SULT1A2: variants seen among roughly 807,000 people sequenced by gnomAD.
SULT1A2 encodes sulfotransferase 1A2.
In SULT1A2, 33 loss-of-function variants were observed where a neutral mutation model predicts 36.0. The observed-to-expected ratio is 0.92, with a 90% confidence interval of 0.69 to 1.22. The LOEUF is 1.22. Ranked by LOEUF, SULT1A2 falls within the 50% of genes most tolerant of loss-of-function variation. SULT1A2 has a pLI of 0.00. For missense variants in SULT1A2, 367 were observed against 383.2 expected, an observed-to-expected ratio of 0.96 and a Z score of 0.35; for synonymous variants, 138 against 144.5, an observed-to-expected ratio of 0.96 and a Z score of 0.32.
In SULT1A2 at chr16:28,595,350, A is replaced by G; in HGVS notation, c.372+17T>C. 1 of 1,613,708 alleles carries G rather than the reference A, an allele frequency of 6.2e-7. No individual in the cohort carries two copies. The highest frequency in any genetic ancestry group is 2.2e-5 in the East Asian group (1 of 44,866). ...AGTACTGAGATTGCGGGTGTGAACC[A>G]CTGTGCCCAGTCTCACCTTGACCTT... On this transcript the variant is annotated intron_variant, in intron 4 of 7. Transcript: ENST00000335715.
chr16:28,594,448 T>TA (rs758090622), intron 4 of SULT1A2, among the ~76,000 whole-genome samples: 14 of 152,170 alleles, frequency 9.2e-5, no homozygotes, highest in Non-Finnish European at 1.8e-4. Context: ...GCAAACCTTT[T>TA]AAAATATTTA....
chr16:28,592,531 C>G, intron 6 of SULT1A2, 88 bp from the exon 7 acceptor site: 1 of 1,594,496 alleles, frequency 6.3e-7, no homozygotes, highest in Non-Finnish European at 8.5e-7. Flanking sequence ...CAGAGGGGAA[C>G]TGGCCACTTC....
intron 6 of SULT1A2, among the ~76,000 whole-genome samples, chr16:28,592,976 A>G (rs985585821): frequency 5.3e-5 from 8 of 152,154 alleles, no homozygotes; most frequent in African/African-American, 1.9e-4. Flanking sequence ...ACACCACTGC[A>G]TGCCATCCTG....
At chr16:28,592,760 G>A (rs1355386782) in intron 6 of SULT1A2, among the ~76,000 whole-genome samples, 2 of 152,210 alleles carry the variant, frequency 1.3e-5, no homozygotes, top group Non-Finnish European at 2.9e-5. Context: ...AAGGGGCCGT[G>A]GTTCAGGCGT....
At chr16:28,594,753 C>G (rs1372023078) in intron 4 of SULT1A2, among the ~76,000 whole-genome samples, 1 of 148,844 alleles carries the variant, frequency 6.7e-6, no homozygotes. Context: ...ACAGGCCCAG[C>G]CCCCTGCCAC....
rs575290419 is a variant in SULT1A2, at chr16:28,595,600, A to G, written c.224T>C (p.Ile75Thr). ...CTCAAGGAAGGGCACCCGCATGAAG[A>G]TGGGAGCTCGGTGACACTTTTCCAG... ...GDLEKCHRAPIFMRVPFLEFK... is the reference protein window; with the variant it reads ...GDLEKCHRAPTFMRVPFLEFK... The change falls in exon 3 of 8, where the codon ATC (isoleucine) becomes ACC (threonine). Residue 75 changes from isoleucine to threonine, a missense_variant. By Grantham distance (89) the Ile-to-Thr change is moderately conservative (BLOSUM62 -1). Transcript: ENST00000335715. The G allele has an allele frequency of 2.2e-5, 36 of 1,614,158 alleles. No homozygotes were observed. The South Asian group carries it at 3.3e-4, about 15-fold the overall frequency.
At chr16:28,596,319 C>G in intron 1 of SULT1A2, 1 of 1,159,942 alleles carries the variant, frequency 8.6e-7, no homozygotes, top group Non-Finnish European at 1.1e-6. Flanking sequence ...CGCCCTTTGT[C>G]TCACCATTTC....
chr16:28,595,300 G>A lies in SULT1A2; in HGVS notation c.372+67C>T, dbSNP rs1393644741. The A allele has an allele frequency of 2.4e-5, 38 of 1,590,468 alleles. No homozygotes were observed. In the East Asian group the frequency reaches 8.3e-4, roughly 35 times the overall value. On this transcript the variant is annotated intron_variant, in intron 4 of 7. Coordinates refer to ENST00000335715, the MANE Select transcript of SULT1A2 (RefSeq NM_001054.4). Reference sequence around the variant, plus strand: ...CTTATCTGGAACTTCTGGCTTCAAGGGATCTTCCCACCTCAGCCTCCCAAA... The same window carrying A: ...CTTATCTGGAACTTCTGGCTTCAAGAGATCTTCCCACCTCAGCCTCCCAAA...
rs146725179 is a variant in SULT1A2, at chr16:28,594,107, T to TTGG, written c.373-540_373-539insCCA. On this transcript the variant is annotated intron_variant, in intron 4 of 7. Coordinates refer to ENST00000335715, the MANE Select transcript of SULT1A2 (RefSeq NM_001054.4). Reference sequence around the variant, plus strand: ...TTTTGTTGTGGTTTTTTTTTTTTTTTGGGGGGGGGGACTCTAGGTCTCAAA... The same window carrying TTGG: ...TTTTGTTGTGGTTTTTTTTTTTTTTTTGGGGGGGGGGGGACTCTAGGTCTCAAA... 3.2e-5 allele frequency among the ~76,000 whole-genome samples: 4 copies of TTGG among 126,292 alleles called. No individual in the cohort carries two copies. In the South Asian group the frequency reaches 8.3e-4, roughly 26 times the overall value. The allele number at this position is 126,292 out of a possible 152,430, so 82.9% of individuals were successfully genotyped here. A position where few individuals can be genotyped will look rare whatever the true frequency, so the allele number is the denominator to read the frequency against.
intron 1 of SULT1A2, 142 bp downstream of exon 1, chr16:28,596,855 G>T (rs1596615785): frequency 1.4e-5 from 7 of 483,390 alleles, no homozygotes; most frequent in African/African-American, 4.3e-5. Flanking sequence ...GAAGGGAGGG[G>T]GATTCAGGCC....
intron 4 of SULT1A2, among the ~76,000 whole-genome samples, chr16:28,594,769 GC>G (rs2047038906): frequency 1.4e-5 from 1 of 69,576 alleles, no homozygotes; most frequent in Non-Finnish European, 3.0e-5. Flanking sequence ...GCCACCTGCC[GC>G]TTTTTTTTTT....
At chr16:28,593,370 C>T (rs755983550) in intron 5 of SULT1A2, 24 bp from the exon 6 acceptor site, 13 of 1,614,042 alleles carry the variant, frequency 8.1e-6, no homozygotes, top group Middle Eastern at 1.6e-4. Context: ...CAGGGAGTGC[C>T]GACACAGGGT....
In SULT1A2 at chr16:28,596,050, G is replaced by A. The variant is rs1210350121; in HGVS notation, c.-4-116C>T. 16 of 1,570,570 alleles carry A rather than the reference G, an allele frequency of 1.0e-5. 1 individual carries two copies. The South Asian group carries it at 1.2e-4, about 12-fold the overall frequency. On this transcript the variant is annotated intron_variant, in intron 1 of 7. Coordinates refer to ENST00000335715, the MANE Select transcript of SULT1A2 (RefSeq NM_001054.4). ...CCTAGGGAGGCTGAGTGACTTGCCC[G>A]CACTCACAAGGCCAGTCAGTGGCGG...
Position 28,593,193 on chromosome 16 carries a change from C to T in SULT1A2, c.594+59G>A. 1.9e-6 allele frequency: 3 copies of T among 1,608,000 alleles called. No homozygotes were observed. The South Asian group carries it at 3.3e-5, about 18-fold the overall frequency. ...GGGTGGCTGGGTGGCCTTGGCAGGTCCCTGTGAAGTGCCTGCCCCCAGGTG... is the reference window on the plus strand; with the variant it reads ...GGGTGGCTGGGTGGCCTTGGCAGGTTCCTGTGAAGTGCCTGCCCCCAGGTG... On this transcript the variant is annotated intron_variant, in intron 6 of 7. Coordinates refer to ENST00000335715, the MANE Select transcript of SULT1A2 (RefSeq NM_001054.4).
At chr16:28,594,797 T>TTTTTGG (rs2047039674) in intron 4 of SULT1A2, among the ~76,000 whole-genome samples, 1 of 142,722 alleles carries the variant, frequency 7.0e-6, no homozygotes, top group Non-Finnish European at 1.5e-5. Flanking sequence ...TTTTTTTTTT[T>TTTTTGG]GAGACAGAGT....
chr16:28,593,030 C>T (rs2047012986), intron 6 of SULT1A2, among the ~76,000 whole-genome samples: 1 of 152,142 alleles, frequency 6.6e-6, no homozygotes, highest in South Asian at 2.1e-4. Flanking sequence ...AGTAGCTGAT[C>T]CATGGCCACC....
chr16:28,593,208 GC>G, intron 6 of SULT1A2, 43 bp downstream of exon 6: 2 of 1,611,056 alleles, frequency 1.2e-6, no homozygotes, highest in South Asian at 2.2e-5. Flanking sequence ...TGAAGTGCCT[GC>G]CCCCAGGTGT....
At position 28,595,894 on chromosome 16, in the gene SULT1A2, C is replaced by A. The variant is rs867040545; in HGVS notation, c.37G>T (p.Glu13Ter). 2 of 1,605,560 alleles carry A rather than the reference C, an allele frequency of 1.2e-6. No individual in the cohort carries two copies. The highest frequency in any genetic ancestry group is 4.5e-5 in the East Asian group (2 of 44,856). Residue 13 changes from glutamate (E) to a stop codon, truncating the protein, a stop_gained, in exon 2 of 8, where the codon GAG (glutamate) becomes TAG (stop). Coordinates refer to ENST00000335715, the MANE Select transcript of SULT1A2 (RefSeq NM_001054.4). LOFTEE classifies it high-confidence loss of function. ...LIQDISRPPLEYVKGVPLIKY... is the reference protein window; with the variant it reads ...LIQDISRPPL ...ATGAGCGGGACCCCCTTCACGTACT[C>A]CAGTGGCGGGCGAGAGATGTCCTGG...
At chr16:28,594,770 C>CTTTATTTTTTTTTTTTTTTTTTTTTT in intron 4 of SULT1A2, among the ~76,000 whole-genome samples, 1 of 53,844 alleles carries the variant, frequency 1.9e-5, no homozygotes, top group East Asian at 5.3e-4. Context: ...CCACCTGCCG[C>CTTTATTTTTTTTTTTTTTTTTTTTTT]TTTTTTTTTT....
Sources: allele counts gnomAD v4.1 joint callset (sites outside exome capture counted in the v4.1 genomes callset), GRCh38; gene constraint gnomAD v4.1.1; transcripts MANE v1.5; gene names NCBI Gene and HGNC (gene_info 2026-07-23, HGNC 2026-07-21).